HSD17B2: variants seen among roughly 807,000 people sequenced by gnomAD.
The protein encoded by HSD17B2 is hydroxysteroid 17-beta dehydrogenase 2.
HSD17B2 carries 32 observed loss-of-function variants against 26.9 expected under a neutral mutation model. That is an observed-to-expected ratio of 1.19 (90% CI 0.90 to 1.60). The LOEUF is 1.60. Ranked by LOEUF, HSD17B2 falls within the 40% of genes most tolerant of loss-of-function variation. The pLI is 0.00. For missense variants in HSD17B2, 613 were observed against 468.6 expected (o/e 1.31, Z -2.85); for synonymous variants, 246 against 186.7 (o/e 1.32, Z -2.59).
chr16:82,082,613 T>C (rs1312029892), intron 3 of HSD17B2, among the ~76,000 whole-genome samples: 2 of 152,180 alleles, frequency 1.3e-5, no homozygotes, highest in Admixed American at 6.5e-5. Context: ...TTAAACCCTA[T>C]ACACTTTAGT....
intron 1 of HSD17B2, among the ~76,000 whole-genome samples, chr16:82,048,701 T>C (rs934400600): frequency 1.3e-5 from 2 of 152,220 alleles, no homozygotes; most frequent in African/African-American, 4.8e-5. Context: ...ACATCGCAGC[T>C]TTTGTTCTAG....
At chr16:82,079,792 A>G (rs985210734) in intron 3 of HSD17B2, among the ~76,000 whole-genome samples, 2 of 152,234 alleles carry the variant, frequency 1.3e-5, no homozygotes, top group Non-Finnish European at 2.9e-5. Context: ...TGTAAAAGGC[A>G]ATATATAACC....
At chr16:82,055,113 C>T (rs541095067) in intron 1 of HSD17B2, among the ~76,000 whole-genome samples, 3 of 152,324 alleles carry the variant, frequency 2.0e-5, no homozygotes, top group Non-Finnish European at 2.9e-5. Flanking sequence ...TGGGGGGGAA[C>T]TGAAAATCAC....
intron 1 of HSD17B2, among the ~76,000 whole-genome samples, chr16:82,061,829 A>G (rs1248554681): frequency 6.6e-6 from 1 of 152,236 alleles, no homozygotes; most frequent in Non-Finnish European, 1.5e-5. Context: ...TGACTAAAAA[A>G]CATTTACAGG....
At chr16:82,064,461 A>G (rs1476472900) in intron 1 of HSD17B2, among the ~76,000 whole-genome samples, 1 of 152,180 alleles carries the variant, frequency 6.6e-6, no homozygotes. Flanking sequence ...TAATGCTGCT[A>G]TGAACATTTG....
At position 82,036,317 on chromosome 16, in the gene HSD17B2, TGTTTG is replaced by T. The variant is rs1237323244; in HGVS notation, c.265+629_265+633del. On this transcript the variant is annotated intron_variant, in intron 1 of 4. Coordinates refer to ENST00000199936, the MANE Select transcript of HSD17B2 (RefSeq NM_002153.3). ...TTAGCTGAGCTGCCAGTTTTTCCCT[TGTTTG>T]TGTGTGTGTGTGTGTGTGTGTGTGT... 5.0e-5 allele frequency among the ~76,000 whole-genome samples: 5 copies of T among 99,546 alleles called. No homozygotes were observed. In the East Asian group the frequency reaches 1.2e-3, roughly 24 times the overall value. 65.3% of individuals were successfully genotyped at this position (99,546 alleles called of 152,430 possible). A position where few individuals can be genotyped will look rare whatever the true frequency, so the allele number is the denominator to read the frequency against.
chr16:82,051,494 C>T (rs1285061614), intron 1 of HSD17B2, among the ~76,000 whole-genome samples: 1 of 151,918 alleles, frequency 6.6e-6, no homozygotes, highest in Non-Finnish European at 1.5e-5. Flanking sequence ...CATGTTCTCA[C>T]TCATAAGTGG....
intron 4 of HSD17B2, chr16:82,093,490 T>C (rs1904750135): frequency 6.6e-6 from 1 of 152,262 alleles, no homozygotes; most frequent in African/African-American, 2.4e-5. Flanking sequence ...CATGATTTTC[T>C]ACTGTTGATG....
Position 82,035,664 on chromosome 16 carries a change from G to A in HSD17B2, c.240G>A (p.Val80=), listed in dbSNP as rs1379495192. Residue 80 remains valine, a synonymous_variant, in exon 1 of 5, where the codon GTG becomes GTA. Coordinates refer to ENST00000199936, the MANE Select transcript of HSD17B2 (RefSeq NM_002153.3). ...TATCTGGCCAAGAATTGTTACCTGT[G>A]GATCAGAAGGCAGTCCTGGTGACAG... ...TYLSGQELLP[V]DQKAVLVTGG... 1.2e-6 allele frequency: 2 copies of A among 1,613,706 alleles called. No homozygotes were observed. The highest frequency in any genetic ancestry group is 1.3e-5 in the African/African-American group (1 of 74,906).
At chr16:82,095,422 G>C (rs2966246) in intron 4 of HSD17B2, 132,186 of 152,814 alleles carry the variant, frequency 0.87, 58,125 homozygotes, top group Non-Finnish European at 0.95. Flanking sequence ...AGGAGTCACC[G>C]AAGCTAGCAA....
chr16:82,064,798 C>T (rs1914532690), intron 1 of HSD17B2, among the ~76,000 whole-genome samples: 1 of 152,210 alleles, frequency 6.6e-6, no homozygotes, highest in Admixed American at 6.5e-5. Context: ...AACATCTGAC[C>T]TCAGACTCTG....
chr16:82,093,867 G>A (rs908380050), intron 4 of HSD17B2: 5 of 152,228 alleles, frequency 3.3e-5, no homozygotes, highest in African/African-American at 1.2e-4. Context: ...CTGGGAAAGT[G>A]GGAGGGATGG....
intron 1 of HSD17B2, among the ~76,000 whole-genome samples, chr16:82,062,009 G>A (rs566609803): frequency 2.0e-5 from 3 of 152,254 alleles, no homozygotes; most frequent in East Asian, 3.9e-4. Context: ...TATTCACAAC[G>A]TGCCCAATTT....
chr16:82,045,616 T>G (rs530512155), intron 1 of HSD17B2, among the ~76,000 whole-genome samples: 1 of 152,376 alleles, frequency 6.6e-6, no homozygotes, highest in Non-Finnish European at 1.5e-5. Flanking sequence ...CATTCATTAA[T>G]GTGCCTCATC....
At chr16:82,057,486 C>T (rs754857752) in intron 1 of HSD17B2, among the ~76,000 whole-genome samples, 1 of 152,284 alleles carries the variant, frequency 6.6e-6, no homozygotes, top group African/African-American at 2.4e-5. Context: ...CGTGAGCCAC[C>T]GCGCCCAGCC....
intron 1 of HSD17B2, among the ~76,000 whole-genome samples, chr16:82,053,030 C>G (rs1049332666): frequency 1.4e-4 from 21 of 152,252 alleles, no homozygotes; most frequent in Non-Finnish European, 2.8e-4. Flanking sequence ...ATGACCTTAT[C>G]TAGACCTAAT....
intron 1 of HSD17B2, among the ~76,000 whole-genome samples, chr16:82,040,029 G>C (rs1229520127): frequency 6.6e-6 from 1 of 152,178 alleles, no homozygotes; most frequent in East Asian, 1.9e-4. Context: ...CAGCCTAATT[G>C]GTTAAGTAGC....
Position 82,035,681 on chromosome 16 carries a change from T to C in HSD17B2, c.257T>C (p.Leu86Pro). Residue 86 changes from leucine (L) to proline (P), a missense_variant, in exon 1 of 5, where the codon CTG becomes CCG. Coordinates refer to ENST00000199936, the MANE Select transcript of HSD17B2 (RefSeq NM_002153.3). The stretch of plus-strand genomic sequence containing the variant: ...TTACCTGTGGATCAGAAGGCAGTCC[T>C]GGTGACAGGTAAGCAGACGGTGCTA... ...ELLPVDQKAV[L>P]VTGGDCGLGH... is the part of the protein sequence containing the mutation. 1 of 1,613,676 alleles carries C rather than the reference T, an allele frequency of 6.2e-7. No individual in the cohort carries two copies. Among genetic ancestry groups the C allele is most frequent in the Non-Finnish European group, 8.5e-7 (1 of 1,179,804 alleles).
chr16:82,070,411 T>G (rs1914671136), intron 2 of HSD17B2, among the ~76,000 whole-genome samples: 1 of 152,224 alleles, frequency 6.6e-6, no homozygotes, highest in Non-Finnish European at 1.5e-5. Flanking sequence ...AATGCCCTCC[T>G]TGCAACCCAT....
Sources: gnomAD v4.1 joint callset for allele counts (sites outside exome capture counted in the v4.1 genomes callset) on GRCh38, gnomAD v4.1.1 for gene constraint, MANE v1.5 for transcripts, NCBI Gene and HGNC (gene_info 2026-07-23, HGNC 2026-07-21) for gene names.